Variants in NDUFV2 observed in about 807,000 individuals in gnomAD.
NDUFV2 encodes the protein NADH dehydrogenase [ubiquinone] flavoprotein 2, mitochondrial.
In NDUFV2, 18 loss-of-function variants were observed where a neutral mutation model predicts 31.6. That is an observed-to-expected ratio of 0.57 (90% CI 0.39 to 0.84). NDUFV2 has a LOEUF of 0.84. Ranked by LOEUF, NDUFV2 falls within the 40% of genes least tolerant of loss-of-function variation. The pLI is 0.00. For synonymous variants in NDUFV2, 83 were observed against 99.8 expected (o/e 0.83, Z 1.01); for missense variants, 314 against 303.6 (o/e 1.03, Z -0.26).
intron 6 of NDUFV2, among the ~76,000 whole-genome samples, chr18:9,126,033 G>T (rs1568195098): frequency 6.6e-6 from 1 of 152,172 alleles, no homozygotes; most frequent in Non-Finnish European, 1.5e-5. Context: ...TTTGCTTGAT[G>T]TTCCACTTTC....
At chr18:9,131,530 T>G (rs1226923020) in intron 7 of NDUFV2, among the ~76,000 whole-genome samples, 2 of 152,226 alleles carry the variant, frequency 1.3e-5, no homozygotes, top group Non-Finnish European at 2.9e-5. Flanking sequence ...AGGCTACAGT[T>G]CCAATGCGGT....
At chr18:9,107,226 A>C (rs1244668558) in intron 1 of NDUFV2, among the ~76,000 whole-genome samples, 1 of 152,170 alleles carries the variant, frequency 6.6e-6, no homozygotes, top group African/African-American at 2.4e-5. Flanking sequence ...GGATCTTTTT[A>C]TTAGAGACTT....
chr18:9,104,278 G>C (rs752492310), intron 1 of NDUFV2: 6 of 1,612,276 alleles, frequency 3.7e-6, no homozygotes, highest in Non-Finnish European at 5.1e-6. Flanking sequence ...AGATATTGGA[G>C]CTCCTGGCGT....
intron 5 of NDUFV2, among the ~76,000 whole-genome samples, chr18:9,124,368 G>A (rs1330912674): frequency 1.3e-5 from 2 of 150,192 alleles, no homozygotes; most frequent in African/African-American, 2.4e-5. Context: ...AGCCATCCTC[G>A]CACCACGGCC....
intron 1 of NDUFV2, among the ~76,000 whole-genome samples, chr18:9,114,617 A>G (rs986526895): frequency 6.6e-6 from 1 of 152,196 alleles, no homozygotes; most frequent in African/African-American, 2.4e-5. Context: ...GGCTTAAAAA[A>G]AAATTAAGTG....
intron 7 of NDUFV2, 152 bp downstream of exon 7, chr18:9,127,059 A>G: frequency 1.4e-6 from 1 of 723,394 alleles, no homozygotes. Context: ...TAGAGCAAGA[A>G]TAATTTTTTT....
Position 9,102,766 on chromosome 18 carries a change from G to C in NDUFV2, c.23G>C (p.Arg8Pro). 3.2e-6 allele frequency: 5 copies of C among 1,584,674 alleles called. No homozygotes were observed. Among genetic ancestry groups the C allele is most frequent in the Non-Finnish European group, 4.3e-6 (5 of 1,167,678 alleles). The change falls in exon 1 of 8, where the codon CGG (arginine) becomes CCG (proline). Residue 8 changes from arginine (R) to proline (P), a missense_variant. Coordinates refer to ENST00000318388, the MANE Select transcript of NDUFV2 (RefSeq NM_021074.5). Reference protein sequence around the residue: MFFSAALRARAAGLTAHW... With the variant: MFFSAALPARAAGLTAHW... ...GCCATGTTCTTCTCCGCGGCGCTCC[G>C]GGCCCGGGCGGCTGGCCTCACCGCC...
At chr18:9,105,893 T>TA (rs2077839353) in intron 1 of NDUFV2, among the ~76,000 whole-genome samples, 1 of 152,216 alleles carries the variant, frequency 6.6e-6, no homozygotes, top group African/African-American at 2.4e-5. Flanking sequence ...CTGGTAATCT[T>TA]AGTTGATTTT....
At chr18:9,106,481 G>A (rs1401748146) in intron 1 of NDUFV2, among the ~76,000 whole-genome samples, 1 of 152,004 alleles carries the variant, frequency 6.6e-6, no homozygotes, top group African/African-American at 2.4e-5. Flanking sequence ...CATCTTGTGT[G>A]GTGGTACTTT....
At chr18:9,124,850 T>TA (rs746058259) in intron 5 of NDUFV2, 24 bp from the exon 6 acceptor site, 2 of 1,603,580 alleles carry the variant, frequency 1.2e-6, no homozygotes, top group South Asian at 1.1e-5. Context: ...ACCTGGTCCT[T>TA]AGAGTGTTTA....
At chr18:9,126,984 T>G in intron 7 of NDUFV2, 77 bp downstream of exon 7, 2 of 1,161,394 alleles carry the variant, frequency 1.7e-6, no homozygotes, top group Non-Finnish European at 2.6e-6. Context: ...TTTAAAAAAT[T>G]TTATACCTTA....
intron 2 of NDUFV2, among the ~76,000 whole-genome samples, chr18:9,118,631 G>A (rs949246239): frequency 6.6e-6 from 1 of 151,990 alleles, no homozygotes; most frequent in African/African-American, 2.4e-5. Context: ...ATTCATTTCT[G>A]TATTCACCAC....
intron 1 of NDUFV2, 199 bp from the exon 2 acceptor site, chr18:9,117,639 G>T (rs549352160): frequency 1.9e-6 from 1 of 524,772 alleles, no homozygotes; most frequent in Non-Finnish European, 3.4e-6. Context: ...GTGATGTTAG[G>T]TGGGTGAATC....
intron 6 of NDUFV2, among the ~76,000 whole-genome samples, chr18:9,125,845 G>T (rs2077985506): frequency 6.6e-6 from 1 of 152,140 alleles, no homozygotes; most frequent in Non-Finnish European, 1.5e-5. Context: ...CTAGGCCTCT[G>T]TTCCTCCGGT....
At chr18:9,131,014 T>G (rs986755781) in intron 7 of NDUFV2, among the ~76,000 whole-genome samples, 2 of 152,226 alleles carry the variant, frequency 1.3e-5, no homozygotes, top group African/African-American at 2.4e-5. Context: ...AACTTTTGAC[T>G]CCTCCAAAAC....
chr18:9,103,348 C>G (rs1333049347), intron 1 of NDUFV2: 1 of 387,864 alleles, frequency 2.6e-6, no homozygotes, highest in Non-Finnish European at 4.5e-6. Flanking sequence ...TCTGAAAGAA[C>G]GGCGCCGCAA....
chr18:9,104,585 T>C (rs1242224220), intron 1 of NDUFV2, among the ~76,000 whole-genome samples: 1 of 152,196 alleles, frequency 6.6e-6, no homozygotes, highest in African/African-American at 2.4e-5. Context: ...AAAAGCAGTT[T>C]TAATGAAAAA....
intron 5 of NDUFV2, among the ~76,000 whole-genome samples, chr18:9,124,479 T>TG (rs903521446): frequency 2.7e-5 from 4 of 149,656 alleles, no homozygotes; most frequent in African/African-American, 9.9e-5. Context: ...GATGGAGTCT[T>TG]GCTCTGTTGC....
chr18:9,112,165 T>C (rs1180533681), intron 1 of NDUFV2, among the ~76,000 whole-genome samples: 1 of 151,754 alleles, frequency 6.6e-6, no homozygotes, highest in African/African-American at 2.4e-5. Context: ...ACTACAGGTG[T>C]GCGCCACCAC....
Sources: allele counts gnomAD v4.1 joint callset (sites outside exome capture counted in the v4.1 genomes callset), GRCh38; gene constraint gnomAD v4.1.1; transcripts MANE v1.5; gene names NCBI Gene and HGNC (gene_info 2026-07-23, HGNC 2026-07-21).